The following IGSF9B variants were observed in gnomAD, a reference collection of about 807,000 sequenced individuals.
IGSF9B encodes the protein protein turtle homolog B.
In IGSF9B, 48 loss-of-function variants were observed where a neutral mutation model predicts 143.7. That is an observed-to-expected ratio of 0.33 (90% CI 0.26 to 0.42). The LOEUF (loss-of-function observed/expected upper bound fraction) is 0.42, where lower values mean the gene tolerates loss of function less well. Ranked by LOEUF, IGSF9B falls within the 20% of genes least tolerant of loss-of-function variation. The probability of loss-of-function intolerance (pLI) is 1.00; values close to 1 mark genes in which losing one functional copy is unlikely to be tolerated. For missense variants in IGSF9B, 1,706 were observed against 1,980.0 expected, an observed-to-expected ratio of 0.86 and a Z score of 2.63; for synonymous variants, 903 against 833.1, an observed-to-expected ratio of 1.08 and a Z score of -1.44.
chr11:133,906,246 C>T lies in IGSF9B; in HGVS notation c.*2823G>A, dbSNP rs185712574. ...ACCCACATGCTCACAACCACGCTGTCACACATGCCCACACCCAGCACCTAA... is the reference window on the plus strand; with the variant it reads ...ACCCACATGCTCACAACCACGCTGTTACACATGCCCACACCCAGCACCTAA... On this transcript the variant is annotated 3_prime_UTR_variant, in exon 20 of 20. Transcript: ENST00000533871. Among the ~76,000 whole-genome samples the T allele has an allele frequency of 3.3e-3, 498 of 152,326 alleles. 3 individuals carry two copies. The highest frequency in any genetic ancestry group is 0.011 in the African/African-American group (468 of 41,566).
chr11:133,925,175 G>A (rs977670215), intron 14 of IGSF9B, among the ~76,000 whole-genome samples: 2 of 152,162 alleles, frequency 1.3e-5, no homozygotes, highest in Admixed American at 6.5e-5. Flanking sequence ...ACTGGGAGCC[G>A]ACTCCAGCAA....
chr11:133,925,524 G>A (rs909779203), intron 14 of IGSF9B, among the ~76,000 whole-genome samples: 10 of 152,160 alleles, frequency 6.6e-5, no homozygotes, highest in Admixed American at 2.6e-4. Context: ...ACAGGTCCCC[G>A]CTGCCCCAGA....
In IGSF9B at chr11:133,927,170, G is replaced by A. The variant is rs373368090; in HGVS notation, c.1632-79C>T. The A allele has an allele frequency of 9.8e-5, 119 of 1,210,106 alleles. No homozygotes were observed. The South Asian group carries it at 1.6e-3, about 17-fold the overall frequency. The allele number at this position is 1,210,106 out of a possible 1,614,324, so 75.0% of individuals were successfully genotyped here. On this transcript the variant is annotated intron_variant, in intron 12 of 19. Transcript: ENST00000533871. ...GGAGAGAAGAGGGTGCATGCAGGGT[G>A]CTCAGGGAGAAGGCACTGGTGGGCC...
intron 19 of IGSF9B, 38 bp downstream of exon 19, chr11:133,911,848 G>A (rs1356653252): frequency 6.8e-7 from 1 of 1,476,332 alleles, no homozygotes; most frequent in East Asian, 2.5e-5. Context: ...GGCAAGGCAA[G>A]GTGGGAGGAG....
Position 133,922,495 on chromosome 11 carries a change from A to T in IGSF9B, c.2281+74T>A, listed in dbSNP as rs1939559372. 1.1e-5 allele frequency: 16 copies of T among 1,450,966 alleles called. No homozygotes were observed. The South Asian group carries it at 1.8e-4, about 16-fold the overall frequency. The allele number at this position is 1,450,966 out of a possible 1,614,324, so 89.9% of individuals were successfully genotyped here. A position where few individuals can be genotyped will look rare whatever the true frequency, so the allele number is the denominator to read the frequency against. On this transcript the variant is annotated intron_variant, in intron 16 of 19. Coordinates refer to ENST00000533871, the MANE Select transcript of IGSF9B (RefSeq NM_001277285.4). Reference sequence around the variant, plus strand: ...TATTTCCAAGGGGGGCCATGCTAAAAATGGTCCACCTCTCTTGATGGGGGG... The same window carrying T: ...TATTTCCAAGGGGGGCCATGCTAAATATGGTCCACCTCTCTTGATGGGGGG...
intron 19 of IGSF9B, among the ~76,000 whole-genome samples, chr11:133,910,694 C>T (rs997393451): frequency 6.6e-6 from 1 of 152,158 alleles, no homozygotes; most frequent in African/African-American, 2.4e-5. Context: ...GGGACCTGGG[C>T]TAAAGACAGA....
intron 11 of IGSF9B, among the ~76,000 whole-genome samples, chr11:133,930,520 G>T (rs1307010264): frequency 6.6e-6 from 1 of 152,184 alleles, no homozygotes; most frequent in Admixed American, 6.5e-5. Context: ...TCGGGCAATC[G>T]GAAACGGGAA....
chr11:133,937,782 A>T, intron 4 of IGSF9B, 28 bp downstream of exon 4: 1 of 1,601,384 alleles, frequency 6.2e-7, no homozygotes, highest in Non-Finnish European at 8.5e-7. Context: ...AAGAGACCGC[A>T]GCGGCCCCAA....
At chr11:133,932,437 G>A (rs1467309397) in intron 7 of IGSF9B, among the ~76,000 whole-genome samples, 1 of 146,660 alleles carries the variant, frequency 6.8e-6, no homozygotes, top group East Asian at 2.0e-4. Context: ...ACAGATACAG[G>A]GACAGACAGA....
Position 133,925,976 on chromosome 11 carries a change from G to T in IGSF9B, c.1808-11C>A. ...TTGTAATAGGGAATGCTGCGGCGGGGGAAGGAGAAGAACCACAGCGCATCA... is the reference window on the plus strand; with the variant it reads ...TTGTAATAGGGAATGCTGCGGCGGGTGAAGGAGAAGAACCACAGCGCATCA... On this transcript the variant is annotated splice_polypyrimidine_tract_variant and intron_variant, in intron 13 of 19. Transcript: ENST00000533871. 6.4e-7 allele frequency: 1 copy of T among 1,563,568 alleles called. No homozygotes were observed. Among genetic ancestry groups the T allele is most frequent in the Non-Finnish European group, 8.7e-7 (1 of 1,149,744 alleles).
intron 18 of IGSF9B, among the ~76,000 whole-genome samples, chr11:133,918,802 C>CAG (rs34060525): frequency 0.42 from 62,235 of 147,710 alleles, 12,972 homozygotes; most frequent in East Asian, 0.64. Flanking sequence ...AGGACGGAGC[C>CAG]AGAGAGAGAG....
rs1207909870 is a variant in IGSF9B, at chr11:133,932,308, G to C, written c.968-95C>G. ...AGACAGACAGACACAGGGACAGACA[G>C]ACACAGGGAAGCCAGGTGGGAGAGC... On this transcript the variant is annotated intron_variant, in intron 7 of 19. Transcript: ENST00000533871. 3 of 1,364,094 alleles carry C rather than the reference G, an allele frequency of 2.2e-6. No homozygotes were observed. In the South Asian group the frequency reaches 4.2e-5, roughly 19 times the overall value. The allele number at this position is 1,364,094 out of a possible 1,614,324, so 84.5% of individuals were successfully genotyped here.
chr11:133,922,839 T>A (rs1484919934), intron 15 of IGSF9B, 109 bp from the exon 16 acceptor site: 8 of 1,093,548 alleles, frequency 7.3e-6, no homozygotes, highest in Middle Eastern at 3.0e-4. Flanking sequence ...ACAGACAGTG[T>A]CAAGGCTCGG....
At position 133,919,721 on chromosome 11, in the gene IGSF9B, C is replaced by T. The variant is rs1401859658; in HGVS notation, c.3983+21G>A. On this transcript the variant is annotated intron_variant, in intron 18 of 19. Coordinates refer to ENST00000533871, the MANE Select transcript of IGSF9B (RefSeq NM_001277285.4). ...AAGGAAGTTGCCCAGGTGCGGGTGG[C>T]GGAAGAGGCGGCGCACTCACCCTGA... 3.7e-6 allele frequency: 5 copies of T among 1,349,636 alleles called. No homozygotes were observed. The East Asian group carries it at 8.4e-5, about 23-fold the overall frequency. The allele number at this position is 1,349,636 out of a possible 1,614,324, so 83.6% of individuals were successfully genotyped here.
intron 1 of IGSF9B, among the ~76,000 whole-genome samples, chr11:133,949,742 G>A (rs909581551): frequency 6.6e-6 from 1 of 151,980 alleles, no homozygotes; most frequent in Non-Finnish European, 1.5e-5. Flanking sequence ...TGAAGGGAGT[G>A]GGGAGGAAGG....
Position 133,927,010 on chromosome 11 carries a change from G to C in IGSF9B, c.1713C>G (p.Thr571=). 1 of 1,578,174 alleles carries C rather than the reference G, an allele frequency of 6.3e-7. No individual in the cohort carries two copies. Among genetic ancestry groups the C allele is most frequent in the South Asian group, 1.2e-5 (1 of 85,722 alleles). ...PPGPSWLLVD[T]LEPETAYQFS... is the part of the protein sequence containing the mutation. ...ACTGGTACGCTGTCTCAGGCTCCAGGGTGTCCACCAGCAGCCAGCTGGGTC... is the reference window on the plus strand; with the variant it reads ...ACTGGTACGCTGTCTCAGGCTCCAGCGTGTCCACCAGCAGCCAGCTGGGTC... The change falls in exon 13 of 20, where the codon ACC becomes ACG. Residue 571 remains threonine, a synonymous_variant. Coordinates refer to ENST00000533871, the MANE Select transcript of IGSF9B (RefSeq NM_001277285.4).
chr11:133,929,607 G>A (rs2063154592), intron 12 of IGSF9B, 64 bp downstream of exon 12: 2 of 1,242,510 alleles, frequency 1.6e-6, no homozygotes, highest in Non-Finnish European at 2.4e-6. Flanking sequence ...GTAGCCTGCA[G>A]GAAGACCGGG....
intron 1 of IGSF9B, among the ~76,000 whole-genome samples, chr11:133,952,671 CAT>C (rs913930533): frequency 4.7e-4 from 72 of 152,278 alleles, no homozygotes; most frequent in Admixed American, 1.3e-3. Flanking sequence ...GGTGTGCACA[CAT>C]ATGCAATGCA....
In IGSF9B at chr11:133,945,313, G is replaced by C. The variant is rs565100042; in HGVS notation, c.262+748C>G. 2.0e-5 allele frequency among the ~76,000 whole-genome samples: 3 copies of C among 152,288 alleles called. No homozygotes were observed. The highest frequency in any genetic ancestry group is 2.9e-5 in the Non-Finnish European group (2 of 68,030). Reference sequence around the variant, plus strand: ...GGCCAAAAAGAGAGCATGAGACATGGGCACAGGAGCGAAAGAGGGACAGAG... The same window carrying C: ...GGCCAAAAAGAGAGCATGAGACATGCGCACAGGAGCGAAAGAGGGACAGAG... On this transcript the variant is annotated intron_variant, in intron 2 of 19. Coordinates refer to ENST00000533871, the MANE Select transcript of IGSF9B (RefSeq NM_001277285.4). The surrounding 1 kb of genome is among the most constrained non-coding windows in gnomAD (Gnocchi z 4.6).
Sources: gnomAD v4.1 joint callset for allele counts (sites outside exome capture counted in the v4.1 genomes callset) on GRCh38, gnomAD v4.1.1 for gene constraint, Gnocchi (gnomAD v3.1) non-coding constraint, MANE v1.5 for transcripts, NCBI Gene and HGNC (gene_info 2026-07-23, HGNC 2026-07-21) for gene names.